Variants in FBXL18 observed in about 807,000 individuals in gnomAD.
FBXL18 encodes F-box/LRR-repeat protein 18.
A neutral mutation model predicts 46.0 loss-of-function variants in FBXL18; 36 were observed. That is an observed-to-expected ratio of 0.78 (90% confidence interval 0.60 to 1.03). The LOEUF (loss-of-function observed/expected upper bound fraction) is 1.03. FBXL18 is among the 50% of genes least tolerant of loss of function. The probability of loss-of-function intolerance (pLI) is 0.00; values close to 1 mark genes in which losing one functional copy is unlikely to be tolerated. For missense variants in FBXL18, 977 were observed against 1,004.1 expected (o/e 0.97, Z 0.36); for synonymous variants, 557 against 465.3 (o/e 1.20, Z -2.54).
chr7:5,475,194 T>C (rs1211361600), downstream of FBXL18, among the ~76,000 whole-genome samples: 6 of 151,586 alleles, frequency 4.0e-5, no homozygotes, highest in South Asian at 4.2e-4. The surrounding 1 kb of genome is among the most constrained non-coding windows in gnomAD (Gnocchi z 4.2). Flanking sequence ...TGGTGGTGGG[T>C]GCCTGTAATC....
At chr7:5,504,386 T>C (rs1306519815) in intron 2 of FBXL18, among the ~76,000 whole-genome samples, 5 of 149,418 alleles carry the variant, frequency 3.3e-5, no homozygotes, top group African/African-American at 7.4e-5. Flanking sequence ...GCCGGGATCG[T>C]GCCACTGCAC....
rs770993214 is a variant in FBXL18, at chr7:5,480,527, A to AATATATATATATATAT, written c.*1232_*1247dup. ...CAAGTGATCCTCCCAAAGTGTGTTG[A>AATATATATATATATAT]ATATATATATATATATATATATTTT... On this transcript the variant is annotated 3_prime_UTR_variant, in exon 5 of 5. Coordinates refer to ENST00000382368, the MANE Select transcript of FBXL18 (RefSeq NM_024963.6). 3.5e-4 allele frequency: 24 copies of AATATATATATATATAT among 68,086 alleles called. No individual in the cohort carries two copies. The highest frequency in any genetic ancestry group is 1.5e-3 in the African/African-American group (23 of 15,504). The allele number at this position is 68,086 out of a possible 1,614,324, so 4.2% of individuals were successfully genotyped here.
At chr7:5,463,938 G>C (rs1449168199) in intron 4 of FBXL18, among the ~76,000 whole-genome samples, 3 of 151,050 alleles carry the variant, frequency 2.0e-5, no homozygotes, top group Non-Finnish European at 4.4e-5. Context: ...ACGGGGTTTC[G>C]CCATGTTGGT....
chr7:5,467,627 C>T (rs546400556), intron 4 of FBXL18, among the ~76,000 whole-genome samples: 2 of 152,134 alleles, frequency 1.3e-5, no homozygotes, highest in Admixed American at 6.6e-5. Context: ...CTTCCCGTTT[C>T]GAGGGCCAGA....
At chr7:5,462,046 C>T (rs1161526082) in intron 4 of FBXL18, among the ~76,000 whole-genome samples, 1 of 152,112 alleles carries the variant, frequency 6.6e-6, no homozygotes, top group Non-Finnish European at 1.5e-5. Context: ...TCGAGACTAG[C>T]CTGGCCAACA....
intron 4 of FBXL18, chr7:5,490,117 G>T (rs772727316): frequency 2.9e-6 from 4 of 1,361,790 alleles, no homozygotes; most frequent in South Asian, 2.3e-5. Flanking sequence ...TGGCAAGCAG[G>T]GTTGTCGGCG....
In FBXL18 at chr7:5,496,484, A is replaced by G. The variant is rs1347501977; in HGVS notation, c.1781+4004T>C. Among the ~76,000 whole-genome samples the G allele has an allele frequency of 6.6e-6, 1 of 151,792 alleles. No individual in the cohort carries two copies. The highest frequency in any genetic ancestry group is 1.5e-5 in the Non-Finnish European group (1 of 67,920). On this transcript the variant is annotated intron_variant, in intron 3 of 4. Transcript: ENST00000382368. The surrounding 1 kb of genome is among the most constrained non-coding windows in gnomAD (Gnocchi z 4.8). ...GGCTCACCTGGATCCATAGGTGGCTAAAGGCCACCTATGAGCTGAGGACGC... is the reference window on the plus strand; with the variant it reads ...GGCTCACCTGGATCCATAGGTGGCTGAAGGCCACCTATGAGCTGAGGACGC...
Position 5,481,867 on chromosome 7 carries a change from C to T in FBXL18, c.2065G>A (p.Asp689Asn). 5 of 1,613,818 alleles carry T rather than the reference C, an allele frequency of 3.1e-6. No individual in the cohort carries two copies. The highest frequency in any genetic ancestry group is 1.7e-5 in the Admixed American group (1 of 59,986). ...IFPLLHEGLTDVIRDVPLVHL... is the reference protein window; with the variant it reads ...IFPLLHEGLTNVIRDVPLVHL... ...ACCAGGGGGACGTCCCGGATGACGT[C>T]GGTCAGGCCCTCGTGGAGCAGAGGG... The change falls in exon 5 of 5, where the codon GAC becomes AAC. Residue 689 changes from aspartate to asparagine, a missense_variant. Asp to Asn is a conservative substitution (Grantham distance 23, BLOSUM62 1). Transcript: ENST00000382368.
At chr7:5,499,343 GCTCTCT>G (rs1784168333) in intron 3 of FBXL18, among the ~76,000 whole-genome samples, 1 of 3,064 alleles carries the variant, frequency 3.3e-4, no homozygotes, top group Non-Finnish European at 6.1e-4. Flanking sequence ...TGAACCGACT[GCTCTCT>G]GAAACGACTG....
chr7:5,506,626 G>C (rs1302949465), intron 1 of FBXL18, among the ~76,000 whole-genome samples: 3 of 149,592 alleles, frequency 2.0e-5, no homozygotes, highest in African/African-American at 7.4e-5. Context: ...GTGCGATCTT[G>C]GTTCACTGCA....
At position 5,501,518 on chromosome 7, in the gene FBXL18, G is replaced by A; in HGVS notation, c.751C>T (p.Leu251=). 1 of 1,613,934 alleles carries A rather than the reference G, an allele frequency of 6.2e-7. No individual in the cohort carries two copies. Among genetic ancestry groups the A allele is most frequent in the Non-Finnish European group, 8.5e-7 (1 of 1,180,030 alleles). ...YINQEVVRLY[L]AVLSDRTPQN... ...GGAGTGCGGTCGCTAAGCACAGCCA[G>A]GTAGAGCCGCACCACCTCCTGGTTG... Residue 251 remains leucine (L), a synonymous_variant, in exon 3 of 5, where the codon CTG becomes TTG. Coordinates refer to ENST00000382368, the MANE Select transcript of FBXL18 (RefSeq NM_024963.6).
chr7:5,497,603 C>T (rs983745197), intron 3 of FBXL18, among the ~76,000 whole-genome samples: 1 of 152,200 alleles, frequency 6.6e-6, no homozygotes, highest in South Asian at 2.1e-4. Context: ...GCCTCCAGCT[C>T]GGCTGCTCCC....
intron 4 of FBXL18, among the ~76,000 whole-genome samples, chr7:5,458,474 C>T (rs1783202122): frequency 6.7e-6 from 1 of 149,840 alleles, no homozygotes; most frequent in African/African-American, 2.5e-5. Context: ...CTGCGGCGGG[C>T]GGATCACGAG....
chr7:5,508,439 CTAAAAAA>C (rs1377939278), intron 1 of FBXL18, among the ~76,000 whole-genome samples: 1 of 81,658 alleles, frequency 1.2e-5, no homozygotes, highest in Admixed American at 1.4e-4. Context: ...GAGACTTTGT[CTAAAAAA>C]AAAAAAAAAA....
At chr7:5,471,719 A>G (rs1783430809), downstream of FBXL18, among the ~76,000 whole-genome samples, 1 of 152,186 alleles carries the variant, frequency 6.6e-6, no homozygotes, top group Non-Finnish European at 1.5e-5. Flanking sequence ...GACAAAGGCC[A>G]GGCGGCTTCA....
Position 5,501,871 on chromosome 7 carries a change from G to T in FBXL18, c.398C>A (p.Ser133Tyr). 1 of 1,602,906 alleles carries T rather than the reference G, an allele frequency of 6.2e-7. No individual in the cohort carries two copies. ...KVNLSGCHLT[S>Y]LRLSKMLSAL... The stretch of plus-strand genomic sequence containing the variant: ...CGAGAGCATCTTGGAGAGGCGCAGG[G>T]AAGTGAGGTGGCAGCCCGAGAGGTT... The change falls in exon 3 of 5, where the codon TCC becomes TAC. Residue 133 changes from serine (S) to tyrosine (Y), a missense_variant. Ser to Tyr is a moderately radical substitution (Grantham distance 144). Coordinates refer to ENST00000382368, the MANE Select transcript of FBXL18 (RefSeq NM_024963.6).
intron 2 of FBXL18, among the ~76,000 whole-genome samples, chr7:5,504,206 G>T (rs1784336689): frequency 1.3e-5 from 2 of 151,612 alleles, no homozygotes; most frequent in Admixed American, 6.6e-5. Context: ...GAGTTGGGTG[G>T]ATCACTTGAG....
At chr7:5,457,102 G>A (rs1168340884) in intron 4 of FBXL18, among the ~76,000 whole-genome samples, 1 of 152,220 alleles carries the variant, frequency 6.6e-6, no homozygotes, top group Non-Finnish European at 1.5e-5. Context: ...ACTTGTGGGT[G>A]ATGGTCAGAG....
chr7:5,513,666 G>A lies in FBXL18; in HGVS notation c.9C>T (p.Ser3=). 6.2e-7 allele frequency: 1 copy of A among 1,610,274 alleles called. No individual in the cohort carries two copies. The highest frequency in any genetic ancestry group is 8.5e-7 in the Non-Finnish European group (1 of 1,178,448). Residue 3 remains serine, a synonymous_variant, in exon 1 of 5, where the codon AGC becomes AGT. Coordinates refer to ENST00000382368, the MANE Select transcript of FBXL18 (RefSeq NM_024963.6). MA[S]SGEDISNDDD... is the part of the protein sequence containing the mutation. ...CAGTCGCGGACAGTACCTCTCCGGAGCTGGCCATGTCGCCGGCGGGTCCGA... is the reference window on the plus strand; with the variant it reads ...CAGTCGCGGACAGTACCTCTCCGGAACTGGCCATGTCGCCGGCGGGTCCGA...
Sources: allele counts gnomAD v4.1 joint callset (sites outside exome capture counted in the v4.1 genomes callset), GRCh38; gene constraint gnomAD v4.1.1; non-coding constraint Gnocchi (gnomAD v3.1); transcripts MANE v1.5; gene names NCBI Gene and HGNC (gene_info 2026-07-23, HGNC 2026-07-21).